The following AP2S1 variants were observed in gnomAD, a reference collection of about 807,000 sequenced individuals.
The protein encoded by AP2S1 is adaptor related protein complex 2 subunit sigma 1.
Under a neutral mutation model 21.0 loss-of-function variants are expected in AP2S1, and 6 were observed. The ratio of observed to expected loss-of-function variants is 0.29; its 90% CI spans 0.16 to 0.56. The LOEUF (loss-of-function observed/expected upper bound fraction) is 0.56, where lower values mean the gene tolerates loss of function less well. Among genes scored for constraint, AP2S1 ranks in the 20% least tolerant of loss-of-function variants. The pLI is 0.92. For synonymous variants in AP2S1, 63 were observed against 74.6 expected (o/e 0.84, Z 0.80); for missense variants, 60 against 186.2 (o/e 0.32, Z 3.95).
At chr19:46,844,813 T>C (rs1290385121) in intron 2 of AP2S1, among the ~76,000 whole-genome samples, 2 of 144,680 alleles carry the variant, frequency 1.4e-5, no homozygotes, top group Non-Finnish European at 3.0e-5. Context: ...AAAAATTTTT[T>C]AAAGAGGGAC....
intron 1 of AP2S1, among the ~76,000 whole-genome samples, chr19:46,846,855 G>A (rs558014501): frequency 6.8e-4 from 104 of 152,080 alleles, no homozygotes; most frequent in East Asian, 5.6e-3. Flanking sequence ...TGGTAGAGAC[G>A]GGGTTTCACC....
Position 46,838,943 on chromosome 19 carries a change from G to A in AP2S1, c.268-144C>T. 1.5e-6 allele frequency: 1 copy of A among 651,114 alleles called. No homozygotes were observed. The highest frequency in any genetic ancestry group is 2.7e-6 in the Non-Finnish European group (1 of 365,870). The allele number at this position is 651,114 out of a possible 1,614,324, so 40.3% of individuals were successfully genotyped here. ...GGAGAGAGAGAGACAGTGACAGGGA[G>A]AGAGGCAAGGAGACACACAGAGAGA... is the stretch of plus-strand genomic sequence containing the variant. On this transcript the variant is annotated intron_variant, in intron 3 of 4. Coordinates refer to ENST00000263270, the MANE Select transcript of AP2S1 (RefSeq NM_004069.6). This position sits in a 1 kb window ranked among gnomAD's most constrained non-coding sequence, Gnocchi z 4.1.
intron 2 of AP2S1, among the ~76,000 whole-genome samples, chr19:46,844,304 TC>T (rs2055581037): frequency 6.6e-6 from 1 of 152,186 alleles, no homozygotes; most frequent in South Asian, 2.1e-4. Flanking sequence ...CTTCTCTCTT[TC>T]ATCTCCTCCC....
intron 2 of AP2S1, 149 bp from the exon 3 acceptor site, chr19:46,839,727 CGAG>C: frequency 7.5e-7 from 1 of 1,336,996 alleles, no homozygotes; most frequent in Non-Finnish European, 1.0e-6. Flanking sequence ...CAGCAGTGAC[CGAG>C]ACAGCCCTAA....
At chr19:46,849,984 G>C in intron 1 of AP2S1, 1 of 662,600 alleles carries the variant, frequency 1.5e-6, no homozygotes, top group African/African-American at 1.9e-5. Context: ...GGGGGATAGG[G>C]GCACTCCTAA....
intron 3 of AP2S1, 90 bp downstream of exon 3, chr19:46,839,375 C>T: frequency 1.4e-6 from 2 of 1,415,812 alleles, no homozygotes; most frequent in Non-Finnish European, 2.0e-6. Context: ...AGGGAGGGCT[C>T]AGGAGGGACC....
At chr19:46,848,066 T>TGAGGAGTG (rs2055667971) in intron 1 of AP2S1, among the ~76,000 whole-genome samples, 1 of 152,058 alleles carries the variant, frequency 6.6e-6, no homozygotes, top group Non-Finnish European at 1.5e-5. Flanking sequence ...GAGTTTACTG[T>TGAGGAGTG]GAGGAGTAAA....
chr19:46,847,360 G>A (rs2122800295), intron 1 of AP2S1, among the ~76,000 whole-genome samples: 1 of 151,862 alleles, frequency 6.6e-6, no homozygotes, highest in East Asian at 1.9e-4. Flanking sequence ...GGGACCGCAG[G>A]TGCACACCAC....
intron 2 of AP2S1, among the ~76,000 whole-genome samples, chr19:46,841,841 T>G (rs2055527160): frequency 6.6e-6 from 1 of 152,180 alleles, no homozygotes; most frequent in Admixed American, 6.5e-5. Flanking sequence ...GGGACCAATG[T>G]CCTCACTGGG....
chr19:46,848,666 T>G (rs1450788217), intron 1 of AP2S1, among the ~76,000 whole-genome samples: 2 of 152,164 alleles, frequency 1.3e-5, no homozygotes, highest in Non-Finnish European at 2.9e-5. Flanking sequence ...TGACCCCAAC[T>G]TGTGGGAGCC....
At position 46,850,798 on chromosome 19, in the gene AP2S1, G is replaced by C. The variant is rs754892183; in HGVS notation, c.-32C>G. ...CCCCGTCCAGACCCCAGCGGCCCCG[G>C]TCCCGCGGCGACTGGGCAGCTCCGG... On this transcript the variant is annotated 5_prime_UTR_variant, in exon 1 of 5. Transcript: ENST00000263270. 1 of 1,551,840 alleles carries C rather than the reference G, an allele frequency of 6.4e-7. No individual in the cohort carries two copies. The highest frequency in any genetic ancestry group is 8.7e-7 in the Non-Finnish European group (1 of 1,148,934).
At chr19:46,850,168 AG>A in intron 1 of AP2S1, 1 of 1,232,288 alleles carries the variant, frequency 8.1e-7, no homozygotes, top group Middle Eastern at 3.1e-4. Flanking sequence ...GCGCTTTCCC[AG>A]ACCCTTAAGT....
At chr19:46,841,265 G>T (rs759605930) in intron 2 of AP2S1, among the ~76,000 whole-genome samples, 22 of 152,242 alleles carry the variant, frequency 1.4e-4, no homozygotes, top group Non-Finnish European at 1.0e-4. Flanking sequence ...TTTCTGGTGT[G>T]ATTACAGTAA....
intron 2 of AP2S1, among the ~76,000 whole-genome samples, chr19:46,844,048 C>T (rs911061944): frequency 5.3e-5 from 8 of 152,116 alleles, no homozygotes; most frequent in South Asian, 2.1e-4. Context: ...GTAGCTGGGA[C>T]TACAGGCACC....
intron 2 of AP2S1, among the ~76,000 whole-genome samples, chr19:46,843,522 G>A (rs1198921677): frequency 1.8e-4 from 27 of 152,144 alleles, no homozygotes; most frequent in Admixed American, 1.8e-3. Context: ...AGGAGTTCGA[G>A]ACCAGCCTGG....
intron 2 of AP2S1, among the ~76,000 whole-genome samples, chr19:46,840,559 G>A (rs1282084791): frequency 2.0e-5 from 3 of 151,566 alleles, no homozygotes; most frequent in African/African-American, 7.3e-5. Flanking sequence ...GAGATGACCT[G>A]AGCCTGGGAG....
intron 1 of AP2S1, among the ~76,000 whole-genome samples, chr19:46,847,861 A>G (rs1233179801): frequency 6.6e-6 from 1 of 152,134 alleles, no homozygotes; most frequent in East Asian, 1.9e-4. Flanking sequence ...CTTTAGGGCT[A>G]TTATGAATAA....
intron 1 of AP2S1, among the ~76,000 whole-genome samples, chr19:46,846,509 C>T (rs2055637777): frequency 7.0e-6 from 1 of 143,414 alleles, no homozygotes; most frequent in African/African-American, 2.6e-5. Flanking sequence ...CTCCTGGACT[C>T]AAGCAATTCT....
chr19:46,846,234 G>T, intron 1 of AP2S1, 92 bp from the exon 2 acceptor site: 1 of 1,511,124 alleles, frequency 6.6e-7, no homozygotes, highest in Non-Finnish European at 9.0e-7. Flanking sequence ...ACCCAGAGGG[G>T]AGATAGGGCT....
Sources: gnomAD v4.1 joint callset for allele counts (sites outside exome capture counted in the v4.1 genomes callset) on GRCh38, gnomAD v4.1.1 for gene constraint, Gnocchi (gnomAD v3.1) non-coding constraint, MANE v1.5 for transcripts, NCBI Gene and HGNC (gene_info 2026-07-23, HGNC 2026-07-21) for gene names.